ODF2: variants seen among roughly 807,000 people sequenced by gnomAD.
The protein encoded by ODF2 is outer dense fiber of sperm tails 2, also known as outer dense fiber protein 2.
A neutral mutation model predicts 110.2 loss-of-function variants in ODF2; 47 were observed. The ratio of observed to expected loss-of-function variants is 0.43; its 90% CI spans 0.34 to 0.54. The LOEUF (loss-of-function observed/expected upper bound fraction) is 0.54, where lower values mean the gene tolerates loss of function less well. Among genes scored for constraint, ODF2 ranks in the 20% least tolerant of loss-of-function variants. The pLI is 0.03. For missense variants in ODF2, 812 were observed against 1,054.5 expected, an observed-to-expected ratio of 0.77 and a Z score of 3.19; for synonymous variants, 352 against 397.7, an observed-to-expected ratio of 0.89 and a Z score of 1.37.
At chr9:128,456,161 C>T in exon 1 of ODF2, 4 of 1,549,362 alleles carry the variant, frequency 2.6e-6, no homozygotes, top group South Asian at 2.4e-5. Flanking sequence ...CAGAGCCAGA[C>T]TGCATCCGCC....
exon 15 of ODF2, chr9:128,492,438 C>T: frequency 6.2e-7 from 1 of 1,613,594 alleles, no homozygotes; most frequent in Non-Finnish European, 8.5e-7. Context: ...CAGCTTTGCT[C>T]CAATGGAGGA....
chr9:128,479,145 C>T (rs1841939553), intron 8 of ODF2, among the ~76,000 whole-genome samples: 1 of 152,182 alleles, frequency 6.6e-6, no homozygotes, highest in African/African-American at 2.4e-5. Context: ...AACCATAATA[C>T]TGTCTTTTAT....
At chr9:128,500,223 T>G in exon 21 of ODF2, 1 of 1,614,130 alleles carries the variant, frequency 6.2e-7, no homozygotes, top group Non-Finnish European at 8.5e-7. Context: ...CCTGACTAGC[T>G]CTCCCATCCG....
At chr9:128,490,897 A>G (rs1844413841) in intron 14 of ODF2, among the ~76,000 whole-genome samples, 1 of 152,230 alleles carries the variant, frequency 6.6e-6, no homozygotes, top group Non-Finnish European at 1.5e-5. Context: ...TTTAAGATGA[A>G]TAATTGGGTT....
At chr9:128,472,348 C>G (rs1840239934) in intron 6 of ODF2, among the ~76,000 whole-genome samples, 1 of 152,170 alleles carries the variant, frequency 6.6e-6, no homozygotes, top group East Asian at 1.9e-4. Context: ...ACTGGAATTA[C>G]AGGTGCCCAC....
chr9:128,480,105 G>A (rs1842126540), intron 8 of ODF2, among the ~76,000 whole-genome samples: 1 of 152,126 alleles, frequency 6.6e-6, no homozygotes, highest in Non-Finnish European at 1.5e-5. Context: ...TCCAGCTTGG[G>A]TGACAGAGCT....
At chr9:128,487,992 T>C (rs1424157144) in exon 14 of ODF2, 1 of 1,613,982 alleles carries the variant, frequency 6.2e-7, no homozygotes, top group Non-Finnish European at 8.5e-7. Context: ...CTGCTGAGTA[T>C]TCCGCATTCA....
At chr9:128,487,010 G>T (rs1009611553) in intron 13 of ODF2, among the ~76,000 whole-genome samples, 4 of 152,124 alleles carry the variant, frequency 2.6e-5, no homozygotes, top group Non-Finnish European at 5.9e-5. Flanking sequence ...CATGTCTCTG[G>T]TCCTTGCCTT....
At position 128,500,105 on chromosome 9, in the gene ODF2, A is replaced by G. The variant is rs530414574; in HGVS notation, c.2340A>G (p.Lys780=). ...ACCAGAGCCGGCTGCAAGACCTGAAAGATCGCCTGGAGCAGTCCGAGAGCA... is the reference window on the plus strand; with the variant it reads ...ACCAGAGCCGGCTGCAAGACCTGAAGGATCGCCTGGAGCAGTCCGAGAGCA... The change falls in exon 21 of 21, where the codon AAA becomes AAG. Residue 780 remains lysine (K), a synonymous_variant. Coordinates refer to ENST00000604420, the Ensembl canonical transcript of ODF2. 2.4e-4 allele frequency: 393 copies of G among 1,614,264 alleles called. 3 individuals carry two copies. The South Asian group carries it at 4.1e-3, about 17-fold the overall frequency.
intron 13 of ODF2, 97 bp from the exon 14 acceptor site, chr9:128,487,789 AAAAC>A (rs201757357): frequency 0.012 from 15,989 of 1,380,282 alleles, 80 homozygotes; most frequent in African/African-American, 0.036. Flanking sequence ...TCCGTCTAAA[AAAAC>A]AAACAAACAA....
chr9:128,495,929 C>A, intron 17 of ODF2, 112 bp from the exon 18 acceptor site: 1 of 1,283,386 alleles, frequency 7.8e-7, no homozygotes, highest in South Asian at 1.3e-5. Flanking sequence ...ACTTGGACAC[C>A]TGCTGAGGGC....
exon 21 of ODF2, chr9:128,500,435 T>G (rs965875530): frequency 1.7e-6 from 1 of 600,220 alleles, no homozygotes; most frequent in African/African-American, 1.8e-5. Flanking sequence ...AGGAAGCACT[T>G]GGTTTTCTCC....
chr9:128,458,585 C>CTCTT (rs1273436394), intron 2 of ODF2, among the ~76,000 whole-genome samples: 1 of 139,264 alleles, frequency 7.2e-6, no homozygotes, highest in Non-Finnish European at 1.6e-5. Context: ...TGCTCTCTCT[C>CTCTT]TTTTTTTTTT....
chr9:128,456,920 C>A (rs1835011521), intron 1 of ODF2: 2 of 1,263,014 alleles, frequency 1.6e-6, no homozygotes, highest in African/African-American at 1.5e-5. Context: ...CCGTAACGCC[C>A]CTTCTCCTAG....
chr9:128,462,043 A>G (rs1257619974), intron 4 of ODF2, among the ~76,000 whole-genome samples: 3 of 152,176 alleles, frequency 2.0e-5, no homozygotes, highest in Admixed American at 6.5e-5. Flanking sequence ...AAGCCACAGT[A>G]TATTTTTTTT....
intron 20 of ODF2, 83 bp downstream of exon 20, chr9:128,499,209 G>T: frequency 6.5e-7 from 1 of 1,547,426 alleles, no homozygotes; most frequent in Non-Finnish European, 8.8e-7. Context: ...GTGTTTTGTT[G>T]TTACTGTTTT....
At chr9:128,492,586 C>G in intron 15 of ODF2, 50 bp downstream of exon 15, 1 of 1,521,926 alleles carries the variant, frequency 6.6e-7, no homozygotes. Context: ...CTCCCTGCCC[C>G]CATCAGACTG....
chr9:128,457,034 C>T (rs1588666930), intron 1 of ODF2: 2 of 1,284,440 alleles, frequency 1.6e-6, no homozygotes, highest in African/African-American at 3.0e-5. Flanking sequence ...GCCCTCTCCG[C>T]ACGTCCGCCG....
At chr9:128,455,821 CCG>C (rs1344777081), upstream of ODF2, among the ~76,000 whole-genome samples, 2 of 152,072 alleles carry the variant, frequency 1.3e-5, no homozygotes, top group Non-Finnish European at 2.9e-5. Flanking sequence ...CTGGTGGGTA[CCG>C]AGGGGAGGGC....
Sources: gnomAD v4.1 joint callset for allele counts (sites outside exome capture counted in the v4.1 genomes callset) on GRCh38, gnomAD v4.1.1 for gene constraint, MANE v1.5 for transcripts, NCBI Gene and HGNC (gene_info 2026-07-23, HGNC 2026-07-21) for gene names.